Variants in RARB observed in about 807,000 individuals in gnomAD.
RARB encodes retinoic acid receptor beta.
RARB carries 17 observed loss-of-function variants against 51.9 expected under a neutral mutation model. The ratio of observed to expected loss-of-function variants is 0.33; its 90% CI spans 0.22 to 0.49. RARB has a LOEUF of 0.49. RARB is among the 20% of genes least tolerant of loss of function. The pLI is 0.99. For missense variants in RARB, 369 were observed against 550.8 expected, an observed-to-expected ratio of 0.67 and a Z score of 3.30; for synonymous variants, 215 against 195.4, an observed-to-expected ratio of 1.10 and a Z score of -0.84.
intron 2 of RARB, 51 bp downstream of exon 2, chr3:25,461,392 T>C (rs1230695464): frequency 6.3e-7 from 1 of 1,584,210 alleles, no homozygotes; most frequent in Non-Finnish European, 8.6e-7. Flanking sequence ...CCATGTACTT[T>C]ATGGAGGTGA....
At chr3:25,192,424 C>T (rs189899771) in intron 5 of RARB, among the ~76,000 whole-genome samples, 1 of 152,102 alleles carries the variant, frequency 6.6e-6, no homozygotes, top group African/African-American at 2.4e-5. Flanking sequence ...TAAGATACAC[C>T]TATTCAATAA....
chr3:25,431,432 A>C (rs1346986284), intron 1 of RARB, among the ~76,000 whole-genome samples: 1 of 152,158 alleles, frequency 6.6e-6, no homozygotes, highest in Non-Finnish European at 1.5e-5. Flanking sequence ...AGTGTCTGTG[A>C]ATTGCTTCTT....
Position 25,023,884 on chromosome 3 carries a change from G to C in RARB, c.-379-36241G>C, listed in dbSNP as rs568842955. ...AATATCTCTAGATGTGGGTGTTTGG[G>C]GAGGTGGGTAGAGGATTACGTGAGT... On this transcript the variant is annotated intron_variant, in intron 2 of 11. Transcript: ENST00000383772. Among the ~76,000 whole-genome samples, 15 of 152,278 alleles carry C rather than the reference G, an allele frequency of 9.9e-5. No individual in the cohort carries two copies. In the South Asian group the frequency reaches 3.1e-3, roughly 32 times the overall value.
In RARB at chr3:25,072,769, C is replaced by T. The variant is rs186086181; in HGVS notation, c.-328+12593C>T. Among the ~76,000 whole-genome samples the T allele has an allele frequency of 8.8e-3, 1,339 of 151,764 alleles. 11 individuals carry two copies. The highest frequency in any genetic ancestry group is 0.014 in the Non-Finnish European group (972 of 67,950). On this transcript the variant is annotated intron_variant, in intron 3 of 11. Transcript: ENST00000383772. The stretch of plus-strand genomic sequence containing the variant: ...TGTCGCCCAGGCTGGAGTGCAGTGG[C>T]GCGATCTCGGCTCACTGCAAGCTCC...
intron 2 of RARB, among the ~76,000 whole-genome samples, chr3:24,930,824 C>T (rs1695422119): frequency 6.6e-6 from 1 of 152,036 alleles, no homozygotes; most frequent in African/African-American, 2.4e-5. Context: ...GACTGGGCAA[C>T]ATAGTGAGAT....
At chr3:25,393,215 A>G (rs1268623437) in intron 5 of RARB, among the ~76,000 whole-genome samples, 1 of 152,066 alleles carries the variant, frequency 6.6e-6, no homozygotes, top group Non-Finnish European at 1.5e-5. Flanking sequence ...ATGTTAAGCC[A>G]TCCCTACATC....
At chr3:25,414,850 C>T (rs1302622764) in intron 5 of RARB, among the ~76,000 whole-genome samples, 3 of 152,144 alleles carry the variant, frequency 2.0e-5, no homozygotes. Context: ...ATGCTTTGCA[C>T]AATTTTTTGA....
Position 24,937,454 on chromosome 3 carries a change from C to T in RARB, c.-380+78702C>T, listed in dbSNP as rs554167755. Among the ~76,000 whole-genome samples, 5 of 152,272 alleles carry T rather than the reference C, an allele frequency of 3.3e-5. No individual in the cohort carries two copies. The East Asian group carries it at 9.7e-4, about 29-fold the overall frequency. On this transcript the variant is annotated intron_variant, in intron 2 of 11. Transcript: ENST00000383772. ...TCTTACTTTTCATCCTTACTACCCTCTCCCAGCAACGCTTCCCCACCCACA... is the reference window on the plus strand; with the variant it reads ...TCTTACTTTTCATCCTTACTACCCTTTCCCAGCAACGCTTCCCCACCCACA...
intron 5 of RARB, among the ~76,000 whole-genome samples, chr3:25,255,404 G>T (rs1702838764): frequency 6.6e-6 from 1 of 152,120 alleles, no homozygotes; most frequent in African/African-American, 2.4e-5. Flanking sequence ...GTTATTATCT[G>T]CTTTGTGTCA....
chr3:24,838,672 C>T (rs1702377436), intron 1 of RARB, among the ~76,000 whole-genome samples: 1 of 152,078 alleles, frequency 6.6e-6, no homozygotes, highest in Admixed American at 6.6e-5. Flanking sequence ...AAAAAGTAAG[C>T]TTAAATAAAC....
intron 3 of RARB, among the ~76,000 whole-genome samples, chr3:25,502,227 C>T (rs1697354485): frequency 1.3e-5 from 2 of 152,118 alleles, no homozygotes; most frequent in Non-Finnish European, 2.9e-5. Flanking sequence ...TGGCTGCTGC[C>T]CTCCAGGAGC....
chr3:25,115,580 C>T (rs1016458305), intron 3 of RARB, among the ~76,000 whole-genome samples: 10 of 151,650 alleles, frequency 6.6e-5, no homozygotes, highest in African/African-American at 2.4e-4. Flanking sequence ...CCTCTCCTTT[C>T]CTTTCTTTTC....
At chr3:25,359,570 G>T (rs988794142) in intron 5 of RARB, among the ~76,000 whole-genome samples, 1 of 152,176 alleles carries the variant, frequency 6.6e-6, no homozygotes, top group Non-Finnish European at 1.5e-5. Flanking sequence ...TGATGTTAGA[G>T]TGTTGATTTT....
At chr3:25,531,921 A>C (rs1160279662) in intron 3 of RARB, among the ~76,000 whole-genome samples, 3 of 151,572 alleles carry the variant, frequency 2.0e-5, no homozygotes, top group African/African-American at 7.3e-5. Flanking sequence ...TCTTTCCACC[A>C]GAAAATGTAA....
intron 4 of RARB, among the ~76,000 whole-genome samples, chr3:25,169,312 T>A (rs1700606113): frequency 6.6e-6 from 1 of 152,178 alleles, no homozygotes; most frequent in Non-Finnish European, 1.5e-5. Flanking sequence ...CATCAGTGCA[T>A]GTGGCTAGGA....
chr3:25,505,088 C>A (rs1275787615), intron 3 of RARB, among the ~76,000 whole-genome samples: 1 of 152,106 alleles, frequency 6.6e-6, no homozygotes, highest in Non-Finnish European at 1.5e-5. Context: ...CTGCATTAAC[C>A]ACTTTTAATG....
At chr3:25,198,660 T>C (rs528483239) in intron 5 of RARB, among the ~76,000 whole-genome samples, 2 of 152,182 alleles carry the variant, frequency 1.3e-5, no homozygotes, top group African/African-American at 4.8e-5. Context: ...AAAGAAGACA[T>C]ACAAATTGCG....
intron 3 of RARB, among the ~76,000 whole-genome samples, chr3:25,556,492 T>A (rs941786772): frequency 6.6e-6 from 1 of 152,220 alleles, no homozygotes; most frequent in South Asian, 2.1e-4. Flanking sequence ...ACATTCTTGT[T>A]ACCAACACTA....
intron 2 of RARB, among the ~76,000 whole-genome samples, chr3:24,959,369 G>A (rs901084298): frequency 3.3e-5 from 5 of 152,194 alleles, no homozygotes; most frequent in African/African-American, 1.2e-4. Context: ...GATGGAGCAG[G>A]AAGGTATTCT....
Sources: allele counts gnomAD v4.1 joint callset (sites outside exome capture counted in the v4.1 genomes callset), GRCh38; gene constraint gnomAD v4.1.1; transcripts MANE v1.5; gene names NCBI Gene and HGNC (gene_info 2026-07-23, HGNC 2026-07-21).